Variants in TMEM163 observed in about 807,000 individuals in gnomAD.
TMEM163 encodes the protein transmembrane protein 163.
A neutral mutation model predicts 29.3 loss-of-function variants in TMEM163; 17 were observed. That is an observed-to-expected ratio of 0.58 (90% CI 0.40 to 0.87). The LOEUF is 0.87. Ranked by LOEUF, TMEM163 falls within the 40% of genes least tolerant of loss-of-function variation. The pLI, the probability that TMEM163 is intolerant of heterozygous loss-of-function variation, is 0.00. For synonymous variants in TMEM163, 157 were observed against 160.6 expected, an observed-to-expected ratio of 0.98 and a Z score of 0.17; for missense variants, 303 against 381.5, an observed-to-expected ratio of 0.79 and a Z score of 1.71.
intron 2 of TMEM163, among the ~76,000 whole-genome samples, chr2:134,631,622 G>A (rs1682972812): frequency 6.6e-6 from 1 of 152,240 alleles, no homozygotes; most frequent in African/African-American, 2.4e-5. Flanking sequence ...GGCCAAGATG[G>A]TATTACATGC....
At chr2:134,698,517 C>A (rs1684627253) in intron 2 of TMEM163, among the ~76,000 whole-genome samples, 1 of 152,062 alleles carries the variant, frequency 6.6e-6, no homozygotes, top group Admixed American at 6.6e-5. Flanking sequence ...AAATAAACAG[C>A]TTTTAGTTTT....
At chr2:134,601,860 A>G (rs970161639) in intron 2 of TMEM163, among the ~76,000 whole-genome samples, 2 of 152,242 alleles carry the variant, frequency 1.3e-5, no homozygotes, top group Non-Finnish European at 2.9e-5. Context: ...TGGGGGTTAC[A>G]GTATTAAACA....
intron 2 of TMEM163, among the ~76,000 whole-genome samples, chr2:134,598,065 C>T (rs1321741860): frequency 6.6e-6 from 1 of 152,170 alleles, no homozygotes; most frequent in Non-Finnish European, 1.5e-5. Context: ...AAACCAGCTC[C>T]TGGATTCATT....
intron 4 of TMEM163, among the ~76,000 whole-genome samples, chr2:134,503,520 C>A (rs944473584): frequency 2.0e-5 from 3 of 152,174 alleles, no homozygotes; most frequent in African/African-American, 4.8e-5. Flanking sequence ...AAATGGGAAG[C>A]CATTACTGTT....
At chr2:134,466,805 A>G (rs1251197929) in intron 5 of TMEM163, 23 of 152,694 alleles carry the variant, frequency 1.5e-4, no homozygotes, top group Admixed American at 1.3e-3. Flanking sequence ...CGTTATCTTA[A>G]CACTTCCTCT....
chr2:134,547,884 C>G (rs1488311467), intron 4 of TMEM163, among the ~76,000 whole-genome samples: 1 of 152,198 alleles, frequency 6.6e-6, no homozygotes, highest in East Asian at 1.9e-4. Context: ...TTCTCATCAT[C>G]AATTTTGATC....
intron 6 of TMEM163, among the ~76,000 whole-genome samples, chr2:134,461,929 C>G (rs1393122991): frequency 6.6e-6 from 1 of 152,198 alleles, no homozygotes; most frequent in African/African-American, 2.4e-5. Context: ...TCCTGCCCGC[C>G]CACCTTCCAA....
At chr2:134,625,835 G>C (rs1009328535) in intron 2 of TMEM163, among the ~76,000 whole-genome samples, 1 of 152,118 alleles carries the variant, frequency 6.6e-6, no homozygotes, top group African/African-American at 2.4e-5. Context: ...CAGCTGTAGG[G>C]GCAGCTCCTC....
At chr2:134,543,566 T>C (rs1016005793) in intron 4 of TMEM163, among the ~76,000 whole-genome samples, 1 of 152,232 alleles carries the variant, frequency 6.6e-6, no homozygotes, top group Non-Finnish European at 1.5e-5. Context: ...TATAACTCAT[T>C]GCCTTCACAG....
In TMEM163 at chr2:134,646,993, T is replaced by C. The variant is rs1244532611; in HGVS notation, c.322+66207A>G. Among the ~76,000 whole-genome samples, 3 of 152,168 alleles carry C rather than the reference T, an allele frequency of 2.0e-5. No individual in the cohort carries two copies. The East Asian group carries it at 5.8e-4, about 29-fold the overall frequency. ...CTTCTTCCAGTTTCTCAGAATACAC[T>C]GTCAACACTGACAAAGGGCACCATA... On this transcript the variant is annotated intron_variant, in intron 2 of 7. Transcript: ENST00000281924.
At chr2:134,684,217 T>C (rs183381836) in intron 2 of TMEM163, among the ~76,000 whole-genome samples, 3 of 152,220 alleles carry the variant, frequency 2.0e-5, no homozygotes, top group Non-Finnish European at 1.5e-5. Context: ...CCCCTGATTC[T>C]CTTAACAAAT....
intron 4 of TMEM163, among the ~76,000 whole-genome samples, chr2:134,544,161 A>T (rs1279805156): frequency 6.6e-6 from 1 of 152,080 alleles, no homozygotes; most frequent in Non-Finnish European, 1.5e-5. Flanking sequence ...CAAGCATCCC[A>T]TGGCCCTCGC....
intron 2 of TMEM163, among the ~76,000 whole-genome samples, chr2:134,579,691 G>T (rs55940643): frequency 0.084 from 12,852 of 152,204 alleles, 642 homozygotes; most frequent in Middle Eastern, 0.15. Context: ...ACTGGGATTT[G>T]AATCCAGTCC....
Position 134,524,719 on chromosome 2 carries a change from G to A in TMEM163, c.459-21722C>T, listed in dbSNP as rs866690829. Among the ~76,000 whole-genome samples, 8 of 150,280 alleles carry A rather than the reference G, an allele frequency of 5.3e-5. 1 individual carries two copies. In the South Asian group the frequency reaches 6.7e-4, roughly 13 times the overall value. On this transcript the variant is annotated intron_variant, in intron 4 of 7. Transcript: ENST00000281924. ...TGATCTCATTCCTTTTTATGGCTGC[G>A]TAGTATTCCATGGTATATATGTACC... is the stretch of plus-strand genomic sequence containing the variant.
At chr2:134,702,421 G>C (rs1421944386) in intron 2 of TMEM163, among the ~76,000 whole-genome samples, 1 of 152,262 alleles carries the variant, frequency 6.6e-6, no homozygotes, top group Non-Finnish European at 1.5e-5. Context: ...AAGGTGGGAA[G>C]ACTGCTTGAG....
At chr2:134,541,199 G>A (rs1680658583) in intron 4 of TMEM163, among the ~76,000 whole-genome samples, 1 of 152,226 alleles carries the variant, frequency 6.6e-6, no homozygotes, top group African/African-American at 2.4e-5. Context: ...ATTCCCATCT[G>A]AAATCCTGGC....
intron 2 of TMEM163, among the ~76,000 whole-genome samples, chr2:134,560,094 G>T (rs1165828807): frequency 6.6e-6 from 1 of 152,112 alleles, no homozygotes; most frequent in Non-Finnish European, 1.5e-5. Context: ...GATCAGCCTG[G>T]CCTGCTCCCT....
In TMEM163 at chr2:134,460,253, G is replaced by A. The variant is rs1686505627; in HGVS notation, c.668-2080C>T. On this transcript the variant is annotated intron_variant, in intron 6 of 7. Transcript: ENST00000281924. The surrounding 1 kb of genome is among the most constrained non-coding windows in gnomAD (Gnocchi z 4.3). ...AATCCCACCAGACCCCTCACATCCA[G>A]CCACACAACCCTGCAACAGCCATCC... Among the ~76,000 whole-genome samples the A allele has an allele frequency of 6.6e-6, 1 of 151,782 alleles. No individual in the cohort carries two copies. Among genetic ancestry groups the A allele is most frequent in the Non-Finnish European group, 1.5e-5 (1 of 67,964 alleles).
intron 4 of TMEM163, among the ~76,000 whole-genome samples, chr2:134,517,326 C>T (rs1413552543): frequency 6.6e-6 from 1 of 152,126 alleles, no homozygotes; most frequent in African/African-American, 2.4e-5. Flanking sequence ...TTACCTTTCC[C>T]CTCTGACAAG....
Sources: allele counts gnomAD v4.1 joint callset (sites outside exome capture counted in the v4.1 genomes callset), GRCh38; gene constraint gnomAD v4.1.1; non-coding constraint Gnocchi (gnomAD v3.1); transcripts MANE v1.5; gene names NCBI Gene and HGNC (gene_info 2026-07-23, HGNC 2026-07-21).